The following SRGAP1 variants were observed in gnomAD, a reference collection of about 807,000 sequenced individuals.
The protein encoded by SRGAP1 is SLIT-ROBO Rho GTPase activating protein 1.
A neutral mutation model predicts 121.9 loss-of-function variants in SRGAP1; 43 were observed. The observed-to-expected ratio is 0.35, with a 90% CI of 0.28 to 0.46. SRGAP1 has a LOEUF of 0.46. SRGAP1 is among the 20% of genes least tolerant of loss of function. The pLI is 1.00. For missense variants in SRGAP1, 1,102 were observed against 1,350.9 expected (o/e 0.82, Z 2.89); for synonymous variants, 447 against 485.4 (o/e 0.92, Z 1.04).
intron 1 of SRGAP1, among the ~76,000 whole-genome samples, chr12:63,874,658 CTTCT>C (rs1899971427): frequency 6.6e-6 from 1 of 151,994 alleles, no homozygotes; most frequent in African/African-American, 2.4e-5. Flanking sequence ...TTAAAAGCTC[CTTCT>C]TTATGTGTTT....
intron 2 of SRGAP1, among the ~76,000 whole-genome samples, chr12:63,984,847 C>T (rs953153197): frequency 7.2e-5 from 11 of 151,950 alleles, no homozygotes; most frequent in Non-Finnish European, 1.3e-4. Flanking sequence ...GAAACCCCGT[C>T]TCTACTAAAA....
At chr12:64,124,966 A>T (rs1395233334) in intron 18 of SRGAP1, among the ~76,000 whole-genome samples, 1 of 152,114 alleles carries the variant, frequency 6.6e-6, no homozygotes, top group African/African-American at 2.4e-5. Flanking sequence ...GCAGCCTTAC[A>T]TGCACTCCTT....
chr12:64,039,652 T>TGG, intron 4 of SRGAP1, among the ~76,000 whole-genome samples: 1 of 148,934 alleles, frequency 6.7e-6, no homozygotes, highest in Non-Finnish European at 1.5e-5. Context: ...TGTGTGTGTG[T>TGG]GTGTGTGTAC....
intron 11 of SRGAP1, among the ~76,000 whole-genome samples, chr12:64,087,550 G>T (rs982861799): frequency 2.6e-5 from 4 of 151,864 alleles, no homozygotes; most frequent in Non-Finnish European, 5.9e-5. Context: ...CCTGGCCAAT[G>T]TGGTGAAACC....
At chr12:63,845,344 A>ATATTTACACCACTCACC (rs1276322080) in intron 1 of SRGAP1, among the ~76,000 whole-genome samples, 1 of 152,154 alleles carries the variant, frequency 6.6e-6, no homozygotes, top group African/African-American at 2.4e-5. Context: ...GCTATTTCAG[A>ATATTTACACCACTCACC]TATTTACACC....
At chr12:63,853,313 A>G (rs55642517) in intron 1 of SRGAP1, among the ~76,000 whole-genome samples, 43,724 of 151,876 alleles carry the variant, frequency 0.29, 7,322 homozygotes, top group East Asian at 0.56. Flanking sequence ...GAGCCACCGC[A>G]CCCGGCCTAT....
At chr12:63,895,941 T>C (rs770890348) in intron 1 of SRGAP1, among the ~76,000 whole-genome samples, 8 of 152,180 alleles carry the variant, frequency 5.3e-5, no homozygotes, top group Non-Finnish European at 5.9e-5. Flanking sequence ...CAACAAAACA[T>C]TGCCTTCTGC....
At chr12:63,865,074 A>G (rs985338807) in intron 1 of SRGAP1, among the ~76,000 whole-genome samples, 7 of 152,182 alleles carry the variant, frequency 4.6e-5, no homozygotes, top group African/African-American at 1.7e-4. Context: ...TTAAATCATT[A>G]TTACTAGGCT....
intron 1 of SRGAP1, among the ~76,000 whole-genome samples, chr12:63,897,150 G>A (rs1900781417): frequency 6.6e-6 from 1 of 152,170 alleles, no homozygotes; most frequent in Non-Finnish European, 1.5e-5. Context: ...ATTTTGTGAT[G>A]CAAATGGAAC....
chr12:63,966,707 G>A (rs551782513), intron 1 of SRGAP1, among the ~76,000 whole-genome samples: 3 of 152,232 alleles, frequency 2.0e-5, no homozygotes, highest in African/African-American at 4.8e-5. Flanking sequence ...GGAAAACAAG[G>A]GGTAGAGGTA....
In SRGAP1 at chr12:63,990,007, T is replaced by C; in HGVS notation, c.361T>C (p.Tyr121His). The C allele has an allele frequency of 6.2e-7, 1 of 1,614,022 alleles. No homozygotes were observed. Among genetic ancestry groups the C allele is most frequent in the African/African-American group, 1.3e-5 (1 of 75,056 alleles). The change falls in exon 3 of 22, where the codon TAT (tyrosine) becomes CAT (histidine). Residue 121 changes from tyrosine to histidine, a missense_variant. Coordinates refer to ENST00000355086, the MANE Select transcript of SRGAP1 (RefSeq NM_020762.4). ...SKDHATLSDI[Y>H]LNNVIMRFMQ... ...AGACCATGCAACCTTGAGTGACATC[T>C]ATCTGAACAATGTGATTATGCGGTT...
chr12:64,091,823 A>G (rs1489489478), intron 12 of SRGAP1: 3 of 1,270,308 alleles, frequency 2.4e-6, no homozygotes, highest in Admixed American at 2.0e-5. Context: ...ACTATGATCT[A>G]TACCTTGTAC....
At position 64,009,418 on chromosome 12, in the gene SRGAP1, T is replaced by A. The variant is rs35650018; in HGVS notation, c.427-7532T>A. Among the ~76,000 whole-genome samples, 259 of 152,276 alleles carry A rather than the reference T, an allele frequency of 1.7e-3. 1 individual carries two copies. Among genetic ancestry groups the A allele is most frequent in the Non-Finnish European group, 2.9e-3 (200 of 68,026 alleles). On this transcript the variant is annotated intron_variant, in intron 3 of 21. Transcript: ENST00000355086. ...AATGAAGACGCTTGTTTCATCTACT[T>A]TATTTCCTGTAGGATTTAAATCTCA... is the stretch of plus-strand genomic sequence containing the variant.
intron 10 of SRGAP1, chr12:64,080,741 A>C: frequency 1.7e-5 from 5 of 286,340 alleles, no homozygotes; most frequent in East Asian, 8.4e-5. Context: ...CACCCTTCCA[A>C]CCCCACCCCT....
chr12:64,128,360 G>GGCCCTGAGTCTTT (rs2036733778), intron 21 of SRGAP1, among the ~76,000 whole-genome samples, 160 bp downstream of exon 21: 1 of 152,116 alleles, frequency 6.6e-6, no homozygotes, highest in Non-Finnish European at 1.5e-5. Context: ...CTTTAACTTA[G>GGCCCTGAGTCTTT]GCCCTGAGTC....
intron 21 of SRGAP1, among the ~76,000 whole-genome samples, chr12:64,136,653 T>G (rs2036860957): frequency 6.6e-6 from 1 of 152,190 alleles, no homozygotes; most frequent in African/African-American, 2.4e-5. Flanking sequence ...TGTGAGAAGT[T>G]TAATGTGTTT....
intron 12 of SRGAP1, chr12:64,091,901 G>A (rs2036059774): frequency 6.5e-6 from 10 of 1,535,714 alleles, no homozygotes; most frequent in Middle Eastern, 1.7e-4. Context: ...AGCCGAGGAC[G>A]AAGAAACTCG....
At chr12:63,987,920 T>A (rs1361939054) in intron 2 of SRGAP1, among the ~76,000 whole-genome samples, 1 of 152,172 alleles carries the variant, frequency 6.6e-6, no homozygotes, top group Non-Finnish European at 1.5e-5. Flanking sequence ...GTGATTCTCA[T>A]GAACAATCTT....
At chr12:64,122,024 A>C (rs572968528) in intron 18 of SRGAP1, among the ~76,000 whole-genome samples, 1 of 152,342 alleles carries the variant, frequency 6.6e-6, no homozygotes, top group Admixed American at 6.5e-5. Context: ...TCACAGAACA[A>C]AACCATTCTC....
Sources: allele counts gnomAD v4.1 joint callset (sites outside exome capture counted in the v4.1 genomes callset), GRCh38; gene constraint gnomAD v4.1.1; transcripts MANE v1.5; gene names NCBI Gene and HGNC (gene_info 2026-07-23, HGNC 2026-07-21).